ALK: variants seen among roughly 807,000 people sequenced by gnomAD.
ALK encodes ALK tyrosine kinase receptor.
In ALK, 74 loss-of-function variants were observed where a neutral mutation model predicts 163.1. The ratio of observed to expected loss-of-function variants is 0.45; its 90% CI spans 0.38 to 0.55. The LOEUF is 0.55. Among genes scored for constraint, ALK ranks in the 20% least tolerant of loss-of-function variants. The pLI, the probability that ALK is intolerant of heterozygous loss-of-function variation, is 0.00. For missense variants in ALK, 2,063 were observed against 2,105.3 expected (o/e 0.98, Z 0.39); for synonymous variants, 960 against 843.2 (o/e 1.14, Z -2.40).
At chr2:29,871,494 T>A (rs1448215959) in intron 1 of ALK, among the ~76,000 whole-genome samples, 5 of 152,162 alleles carry the variant, frequency 3.3e-5, no homozygotes, top group African/African-American at 1.2e-4. Flanking sequence ...TTAGGGCCAT[T>A]AGGCACAAGC....
At chr2:29,825,013 T>C (rs1665158719) in intron 1 of ALK, among the ~76,000 whole-genome samples, 5 of 152,190 alleles carry the variant, frequency 3.3e-5, no homozygotes, top group Admixed American at 3.3e-4. Context: ...AAGTCTTTCC[T>C]GTGCTGTTCT....
intron 7 of ALK, among the ~76,000 whole-genome samples, chr2:29,319,409 C>T (rs564137807): frequency 7.8e-4 from 119 of 152,292 alleles, no homozygotes; most frequent in Non-Finnish European, 1.2e-3. Flanking sequence ...TCTCAGCAAG[C>T]ATGAGGGAGA....
Position 29,359,287 on chromosome 2 carries a change from G to A in ALK, c.1282+24445C>T, listed in dbSNP as rs1393465138. ...GGCCAATGCCCCTCCCTTGAAGAGG[G>A]TATTATTCAGGGTGGCCCAGGTCTC... On this transcript the variant is annotated intron_variant, in intron 5 of 28. Transcript: ENST00000389048. Among the ~76,000 whole-genome samples, 4 of 152,256 alleles carry A rather than the reference G, an allele frequency of 2.6e-5. No homozygotes were observed. The East Asian group carries it at 7.7e-4, about 29-fold the overall frequency.
intron 3 of ALK, among the ~76,000 whole-genome samples, chr2:29,556,275 T>A (rs947184157): frequency 6.6e-6 from 1 of 152,176 alleles, no homozygotes; most frequent in African/African-American, 2.4e-5. Context: ...TTCTAAAGTG[T>A]CTATGAAATA....
intron 2 of ALK, among the ~76,000 whole-genome samples, chr2:29,701,874 T>C (rs1295244238): frequency 6.6e-6 from 1 of 152,176 alleles, no homozygotes; most frequent in Non-Finnish European, 1.5e-5. Flanking sequence ...GAAGGGGCTA[T>C]GTGGTCTTTT....
intron 3 of ALK, among the ~76,000 whole-genome samples, chr2:29,594,532 G>A (rs774349738): frequency 1.5e-4 from 23 of 150,680 alleles, no homozygotes; most frequent in Non-Finnish European, 3.2e-4. Context: ...GGGTTCAAGC[G>A]ATTCTCCTGC....
chr2:29,432,469 T>G (rs1311692772), intron 4 of ALK, among the ~76,000 whole-genome samples: 3 of 152,306 alleles, frequency 2.0e-5, no homozygotes, highest in East Asian at 3.9e-4. Context: ...CTGCAGACCC[T>G]TGAGCCAAAT....
chr2:29,819,122 T>A (rs1457360625), intron 1 of ALK, among the ~76,000 whole-genome samples: 1 of 152,212 alleles, frequency 6.6e-6, no homozygotes, highest in African/African-American at 2.4e-5. Flanking sequence ...GGGAGCCTGT[T>A]ATAAATAAAG....
At chr2:29,219,521 T>C (rs1669727601) in intron 23 of ALK, among the ~76,000 whole-genome samples, 1 of 152,226 alleles carries the variant, frequency 6.6e-6, no homozygotes, top group Admixed American at 6.5e-5. Context: ...CTGCTTTTAC[T>C]GTGCAAGTCT....
intron 7 of ALK, among the ~76,000 whole-genome samples, chr2:29,319,684 C>T (rs1666951625): frequency 6.6e-6 from 1 of 152,162 alleles, no homozygotes. Flanking sequence ...CTGTCACTGG[C>T]GGTATTCCGC....
At chr2:29,201,849 T>C (rs12621570) in intron 26 of ALK, among the ~76,000 whole-genome samples, 42,444 of 151,556 alleles carry the variant, frequency 0.28, 7,107 homozygotes, top group East Asian at 0.73. Context: ...CCAAGCCACA[T>C]CGCTCTCCTG....
chr2:29,641,446 G>A (rs553089057), intron 3 of ALK, among the ~76,000 whole-genome samples: 2 of 152,166 alleles, frequency 1.3e-5, no homozygotes, highest in African/African-American at 2.4e-5. Context: ...AGTACATTGT[G>A]AGTTGGATCT....
intron 5 of ALK, among the ~76,000 whole-genome samples, chr2:29,345,558 G>C (rs547320260): frequency 6.6e-6 from 1 of 151,970 alleles, no homozygotes; most frequent in Non-Finnish European, 1.5e-5. Flanking sequence ...AAGTTTGGCA[G>C]TATGTTTTAA....
At chr2:29,616,060 G>C (rs549701787) in intron 3 of ALK, among the ~76,000 whole-genome samples, 1 of 152,362 alleles carries the variant, frequency 6.6e-6, no homozygotes, top group African/African-American at 2.4e-5. Flanking sequence ...GGGAGACCCA[G>C]ACCCTGCTCT....
intron 1 of ALK, among the ~76,000 whole-genome samples, chr2:29,900,445 C>T (rs1346849438): frequency 6.6e-6 from 1 of 152,286 alleles, no homozygotes; most frequent in African/African-American, 2.4e-5. Flanking sequence ...GCCTCCTCTT[C>T]TGGCTTCCTC....
chr2:29,579,279 T>C (rs1216629403), intron 3 of ALK, among the ~76,000 whole-genome samples: 1 of 152,234 alleles, frequency 6.6e-6, no homozygotes, highest in Non-Finnish European at 1.5e-5. Flanking sequence ...GTTCCAGCTT[T>C]AGCGTTCCAG....
intron 4 of ALK, among the ~76,000 whole-genome samples, chr2:29,438,583 A>G (rs1302290398): frequency 1.3e-5 from 2 of 152,216 alleles, no homozygotes; most frequent in Non-Finnish European, 2.9e-5. Flanking sequence ...ACTCAAAGAA[A>G]TGTTCAAATA....
At chr2:29,526,976 T>C (rs1214467072) in intron 4 of ALK, among the ~76,000 whole-genome samples, 1 of 152,198 alleles carries the variant, frequency 6.6e-6, no homozygotes, top group African/African-American at 2.4e-5. Context: ...GGGAGGTTCC[T>C]CTTTGTCCAG....
intron 1 of ALK, among the ~76,000 whole-genome samples, chr2:29,843,086 G>A (rs1665743595): frequency 6.6e-6 from 1 of 152,094 alleles, no homozygotes; most frequent in South Asian, 2.1e-4. Flanking sequence ...GCAGGTAAGG[G>A]TGATTGGGTA....
Sources: allele counts gnomAD v4.1 joint callset (sites outside exome capture counted in the v4.1 genomes callset), GRCh38; gene constraint gnomAD v4.1.1; transcripts MANE v1.5; gene names NCBI Gene and HGNC (gene_info 2026-07-23, HGNC 2026-07-21).